The following ANKRD6 variants were observed in gnomAD, a reference collection of about 807,000 sequenced individuals.
The protein encoded by ANKRD6 is ankyrin repeat domain-containing protein 6.
Under a neutral mutation model 82.3 loss-of-function variants are expected in ANKRD6, and 56 were observed. The ratio of observed to expected loss-of-function variants is 0.68; its 90% CI spans 0.55 to 0.85. The LOEUF is 0.85. Among genes scored for constraint, ANKRD6 ranks in the 40% least tolerant of loss-of-function variants. The pLI is 0.00. For synonymous variants in ANKRD6, 347 were observed against 352.1 expected, an observed-to-expected ratio of 0.99 and a Z score of 0.16; for missense variants, 852 against 907.6, an observed-to-expected ratio of 0.94 and a Z score of 0.79.
chr6:89,624,974 G>A (rs1805103119), intron 13 of ANKRD6, among the ~76,000 whole-genome samples: 2 of 152,224 alleles, frequency 1.3e-5, no homozygotes, highest in African/African-American at 4.8e-5. Flanking sequence ...CCACTGTGCT[G>A]AAAAGCACTG....
intron 1 of ANKRD6, among the ~76,000 whole-genome samples, chr6:89,510,036 A>G (rs1780344495): frequency 1.3e-5 from 2 of 152,170 alleles, no homozygotes; most frequent in African/African-American, 4.8e-5. Flanking sequence ...ACTTCTAGCC[A>G]TGTTGAGAGA....
At chr6:89,620,919 A>G (rs575539484) in intron 9 of ANKRD6, among the ~76,000 whole-genome samples, 10 of 152,048 alleles carry the variant, frequency 6.6e-5, no homozygotes, top group Admixed American at 3.3e-4. Context: ...CAAAAACAAA[A>G]TTAGCCAGGC....
intron 1 of ANKRD6, among the ~76,000 whole-genome samples, chr6:89,436,038 A>G (rs890701727): frequency 6.6e-6 from 1 of 152,162 alleles, no homozygotes; most frequent in Non-Finnish European, 1.5e-5. Flanking sequence ...CAATTCCCTT[A>G]GGCTTCAGTA....
chr6:89,443,714 A>G (rs919422615), intron 1 of ANKRD6, among the ~76,000 whole-genome samples: 1 of 152,182 alleles, frequency 6.6e-6, no homozygotes, highest in East Asian at 1.9e-4. Flanking sequence ...TTGAGCCCTT[A>G]TGGCAATTTG....
At chr6:89,574,281 G>A (rs138638306) in intron 2 of ANKRD6, among the ~76,000 whole-genome samples, 12 of 150,748 alleles carry the variant, frequency 8.0e-5, no homozygotes, top group African/African-American at 2.7e-4. Context: ...TGCCATAGAT[G>A]TGCTGGTAGT....
intron 1 of ANKRD6, among the ~76,000 whole-genome samples, chr6:89,554,012 G>T (rs1299224761): frequency 6.6e-6 from 1 of 152,106 alleles, no homozygotes; most frequent in Non-Finnish European, 1.5e-5. Context: ...CCCTAAAGAT[G>T]GGGGGGTGTG....
intron 1 of ANKRD6, among the ~76,000 whole-genome samples, chr6:89,473,293 C>T (rs536090405): frequency 6.6e-6 from 1 of 151,918 alleles, no homozygotes; most frequent in African/African-American, 2.4e-5. Flanking sequence ...TGCCCATAAT[C>T]CCAGCTACTC....
intron 1 of ANKRD6, among the ~76,000 whole-genome samples, chr6:89,506,516 T>G (rs182843310): frequency 1.1e-3 from 163 of 152,302 alleles, no homozygotes; most frequent in African/African-American, 3.8e-3. Flanking sequence ...GGTTTCACCA[T>G]GTTGGCCGGG....
chr6:89,590,719 G>T (rs1182113793), intron 2 of ANKRD6, among the ~76,000 whole-genome samples: 1 of 152,114 alleles, frequency 6.6e-6, no homozygotes, highest in African/African-American at 2.4e-5. Flanking sequence ...CACACAGAGT[G>T]GTAGGGAAAG....
intron 2 of ANKRD6, among the ~76,000 whole-genome samples, chr6:89,593,241 CTG>C (rs1335394239): frequency 6.6e-6 from 1 of 152,182 alleles, no homozygotes; most frequent in East Asian, 1.9e-4. Flanking sequence ...ATGAACTCCC[CTG>C]TGTTTCAGAA....
chr6:89,593,682 G>C (rs1409966908), intron 2 of ANKRD6, among the ~76,000 whole-genome samples: 1 of 152,180 alleles, frequency 6.6e-6, no homozygotes, highest in African/African-American at 2.4e-5. Flanking sequence ...TATCCTGCTA[G>C]AGTATCAATA....
chr6:89,609,274 TG>T (rs1799581297), intron 5 of ANKRD6, among the ~76,000 whole-genome samples: 1 of 152,148 alleles, frequency 6.6e-6, no homozygotes. Context: ...GCATATGGTC[TG>T]GAACAGGAGT....
At chr6:89,506,741 A>C (rs2127918466) in intron 1 of ANKRD6, among the ~76,000 whole-genome samples, 1 of 152,308 alleles carries the variant, frequency 6.6e-6, no homozygotes, top group South Asian at 2.1e-4. Flanking sequence ...CCTCTGCTTC[A>C]CTTCCTCCCT....
intron 1 of ANKRD6, among the ~76,000 whole-genome samples, chr6:89,545,773 A>G (rs1400885935): frequency 6.6e-6 from 1 of 152,224 alleles, no homozygotes; most frequent in African/African-American, 2.4e-5. Context: ...GACCATTATT[A>G]AAAGATGGCA....
chr6:89,479,605 A>T (rs148388241), intron 1 of ANKRD6, among the ~76,000 whole-genome samples: 206 of 146,802 alleles, frequency 1.4e-3, no homozygotes, highest in African/African-American at 4.7e-3. Flanking sequence ...TTTTATTTTT[A>T]TTTATTTATT....
At chr6:89,437,339 C>A (rs1427254142) in intron 1 of ANKRD6, among the ~76,000 whole-genome samples, 1 of 152,176 alleles carries the variant, frequency 6.6e-6, no homozygotes, top group East Asian at 1.9e-4. Context: ...TTCCTCAGAG[C>A]CCCCAGCTAT....
At chr6:89,521,225 C>G (rs1781849308) in intron 1 of ANKRD6, among the ~76,000 whole-genome samples, 1 of 152,044 alleles carries the variant, frequency 6.6e-6, no homozygotes, top group Non-Finnish European at 1.5e-5. Context: ...CAGGAGATGC[C>G]CCTTAACCAG....
chr6:89,615,392 G>C lies in ANKRD6; in HGVS notation c.616-1167G>C, dbSNP rs1435055699. Among the ~76,000 whole-genome samples, 3 of 152,188 alleles carry C rather than the reference G, an allele frequency of 2.0e-5. No homozygotes were observed. The East Asian group carries it at 5.8e-4, about 29-fold the overall frequency. ...CTAATCAAGTAGCACGGCCTCCCCA[G>C]TGGGGTGCTAGATCATCAGGTGACC... On this transcript the variant is annotated intron_variant, in intron 7 of 15. Transcript: ENST00000339746.
At chr6:89,466,704 T>TGTTTGTTTG (rs1470337116) in intron 1 of ANKRD6, among the ~76,000 whole-genome samples, 1 of 152,080 alleles carries the variant, frequency 6.6e-6, no homozygotes, top group Non-Finnish European at 1.5e-5. Flanking sequence ...GTTGTTTGTG[T>TGTTTGTTTG]GTTTGTTTGG....
Sources: gnomAD v4.1 joint callset for allele counts (sites outside exome capture counted in the v4.1 genomes callset) on GRCh38, gnomAD v4.1.1 for gene constraint, MANE v1.5 for transcripts, NCBI Gene and HGNC (gene_info 2026-07-23, HGNC 2026-07-21) for gene names.